The following PTPRB variants were observed in gnomAD, a reference collection of about 807,000 sequenced individuals.
The protein encoded by PTPRB is protein tyrosine phosphatase receptor type B, also known as receptor-type tyrosine-protein phosphatase beta.
Under a neutral mutation model 238.1 loss-of-function variants are expected in PTPRB, and 97 were observed. The ratio of observed to expected loss-of-function variants is 0.41; its 90% CI spans 0.35 to 0.48. The LOEUF (loss-of-function observed/expected upper bound fraction) is 0.48. PTPRB is among the 20% of genes least tolerant of loss of function. The pLI, the probability that PTPRB is intolerant of heterozygous loss-of-function variation, is 0.30. For synonymous variants in PTPRB, 970 were observed against 995.4 expected (o/e 0.97, Z 0.48); for missense variants, 2,292 against 2,681.9 (o/e 0.85, Z 3.21).
chr12:70,611,382 G>A (rs531473664), intron 3 of PTPRB, among the ~76,000 whole-genome samples: 17 of 152,280 alleles, frequency 1.1e-4, no homozygotes, highest in African/African-American at 3.1e-4. Flanking sequence ...TCTGCCTCCC[G>A]GGTTCAAGCA....
At chr12:70,633,260 G>T (rs1885533410) in intron 2 of PTPRB, among the ~76,000 whole-genome samples, 1 of 152,100 alleles carries the variant, frequency 6.6e-6, no homozygotes, top group South Asian at 2.1e-4. Flanking sequence ...TCATGATATA[G>T]GTCTACAAGT....
intron 27 of PTPRB, chr12:70,538,592 C>T (rs1874542108): frequency 2.3e-6 from 1 of 433,004 alleles, no homozygotes; most frequent in Non-Finnish European, 4.1e-6. Context: ...AATTGCTAAC[C>T]GAAGACTTTG....
chr12:70,536,145 T>C lies in PTPRB; in HGVS notation c.5961A>G (p.Arg1987=). Residue 1987 remains arginine, a synonymous_variant, in exon 29 of 34, where the codon AGA becomes AGG. Transcript: ENST00000334414. ...NASYIPGNNF[R]REYIVTQGPL... is the part of the protein sequence containing the mutation. ...GTCCCTGAGTGACAATGTATTCTCT[T>C]CTGAAGTTGTTGCCCTGCAATGAAT... The C allele has an allele frequency of 6.2e-7, 1 of 1,613,454 alleles. No homozygotes were observed. The highest frequency in any genetic ancestry group is 8.5e-7 in the Non-Finnish European group (1 of 1,179,608).
In PTPRB at chr12:70,552,758, CAG is replaced by C. The variant is rs1173307519; in HGVS notation, c.5387+17_5387+18del. On this transcript the variant is annotated intron_variant, in intron 21 of 33. Transcript: ENST00000334414. ...ATGTAGCATGTCCCTTCTAGCAAAACAGTGGTAATATATCTAACCTGTAGGCA... is the reference window on the plus strand; with the variant it reads ...ATGTAGCATGTCCCTTCTAGCAAAACTGGTAATATATCTAACCTGTAGGCA... 2 of 1,612,814 alleles carry C rather than the reference CAG, an allele frequency of 1.2e-6. No homozygotes were observed. Among genetic ancestry groups the C allele is most frequent in the Non-Finnish European group, 1.7e-6 (2 of 1,179,216 alleles).
intron 2 of PTPRB, among the ~76,000 whole-genome samples, chr12:70,626,289 A>G (rs1266835309): frequency 9.7e-6 from 1 of 103,002 alleles, no homozygotes; most frequent in African/African-American, 4.2e-5. Flanking sequence ...GATGATGTCT[A>G]TCCATCCATC....
At chr12:70,602,395 T>A (rs1282932692) in intron 4 of PTPRB, among the ~76,000 whole-genome samples, 2 of 152,200 alleles carry the variant, frequency 1.3e-5, no homozygotes, top group Non-Finnish European at 1.5e-5. Context: ...TTCAATATTA[T>A]CTAAAATGCT....
intron 4 of PTPRB, among the ~76,000 whole-genome samples, chr12:70,605,082 TA>T (rs1360906341): frequency 6.6e-6 from 1 of 152,232 alleles, no homozygotes; most frequent in Non-Finnish European, 1.5e-5. Context: ...TTAGCCATAT[TA>T]AAATAATTAA....
At chr12:70,606,783 C>A (rs974530082) in intron 4 of PTPRB, among the ~76,000 whole-genome samples, 1 of 152,090 alleles carries the variant, frequency 6.6e-6, no homozygotes, top group African/African-American at 2.4e-5. Context: ...GAACTACTGA[C>A]AAATAAATAA....
intron 31 of PTPRB, among the ~76,000 whole-genome samples, chr12:70,533,389 G>A (rs1050379977): frequency 6.6e-6 from 1 of 152,148 alleles, no homozygotes; most frequent in African/African-American, 2.4e-5. Context: ...TCTTACTGCT[G>A]CAGTTCCCTG....
chr12:70,610,066 C>T (rs549678044), intron 3 of PTPRB, among the ~76,000 whole-genome samples: 4 of 152,250 alleles, frequency 2.6e-5, no homozygotes, highest in East Asian at 3.9e-4. Context: ...CGCTGCCATT[C>T]TGACCCGCGC....
Position 70,539,616 on chromosome 12 carries a change from G to A in PTPRB, c.5778+9C>T, listed in dbSNP as rs867796985. 1 of 1,521,320 alleles carries A rather than the reference G, an allele frequency of 6.6e-7. No homozygotes were observed. Among genetic ancestry groups the A allele is most frequent in the Non-Finnish European group, 9.0e-7 (1 of 1,113,140 alleles). The allele number at this position is 1,521,320 out of a possible 1,614,324, so 94.2% of individuals were successfully genotyped here. ...GGGATGCTGAAGCTTCATTCTGCCTGAGTTGTACCTCGTATTCCTTGGATA... is the reference window on the plus strand; with the variant it reads ...GGGATGCTGAAGCTTCATTCTGCCTAAGTTGTACCTCGTATTCCTTGGATA... On this transcript the variant is annotated intron_variant, in intron 26 of 33. Coordinates refer to ENST00000334414, the MANE Select transcript of PTPRB (RefSeq NM_001109754.4).
chr12:70,622,433 C>A lies in PTPRB; in HGVS notation c.665G>T (p.Trp222Leu), dbSNP rs375396574. ...GAAGGGCTGAGTAGTCGACAAAACCCATGATGTGTCTGTAATTCCAGTCAT... is the reference window on the plus strand; with the variant it reads ...GAAGGGCTGAGTAGTCGACAAAACCAATGATGTGTCTGTAATTCCAGTCAT... ...LHMTGITDTS[W>L]VLSTTQPFSS... is the part of the protein sequence containing the mutation. The change falls in exon 3 of 34, where the codon TGG becomes TTG. Residue 222 changes from tryptophan (W) to leucine (L), a missense_variant. Physicochemically the swap from Trp to Leu is moderately conservative, Grantham distance 61. This residue lies in a region of PTPRB where 1,205 missense variants were observed against 1,287.8 expected (regional missense o/e 0.94). Transcript: ENST00000334414. 8.1e-6 allele frequency: 13 copies of A among 1,612,728 alleles called. No homozygotes were observed. The African/African-American group carries it at 1.6e-4, about 20-fold the overall frequency.
intron 22 of PTPRB, among the ~76,000 whole-genome samples, chr12:70,544,259 T>C (rs1225842600): frequency 6.6e-6 from 1 of 152,242 alleles, no homozygotes; most frequent in African/African-American, 2.4e-5. Context: ...TAGTAACTTA[T>C]ATTTTGGCCT....
chr12:70,627,154 C>T (rs1157313822), intron 2 of PTPRB, among the ~76,000 whole-genome samples: 1 of 152,152 alleles, frequency 6.6e-6, no homozygotes, highest in South Asian at 2.1e-4. Flanking sequence ...TTTTACCTAA[C>T]ACCCTATGTT....
chr12:70,530,276 A>G (rs548876775), intron 32 of PTPRB, among the ~76,000 whole-genome samples: 4 of 152,258 alleles, frequency 2.6e-5, no homozygotes, highest in African/African-American at 9.6e-5. Flanking sequence ...AAAGACATAG[A>G]TGTGATAATG....
At position 70,559,639 on chromosome 12, in the gene PTPRB, A is replaced by C. The variant is rs761833205; in HGVS notation, c.4433-15T>G. On this transcript the variant is annotated splice_polypyrimidine_tract_variant and intron_variant, in intron 17 of 33. Coordinates refer to ENST00000334414, the MANE Select transcript of PTPRB (RefSeq NM_001109754.4). ...AGGACTTGGAGCTGAATGTAGGAGAAAGTGAAAAATCACATAATCACAGCT... is the reference window on the plus strand; with the variant it reads ...AGGACTTGGAGCTGAATGTAGGAGACAGTGAAAAATCACATAATCACAGCT... 12 of 1,588,428 alleles carry C rather than the reference A, an allele frequency of 7.6e-6. No individual in the cohort carries two copies. Among genetic ancestry groups the C allele is most frequent in the East Asian group, 4.5e-5 (2 of 44,644 alleles).
intron 4 of PTPRB, among the ~76,000 whole-genome samples, chr12:70,602,390 T>A (rs552488830): frequency 2.6e-5 from 4 of 152,212 alleles, no homozygotes; most frequent in Non-Finnish European, 5.9e-5. Context: ...GCTTTTTCAA[T>A]ATTATCTAAA....
chr12:70,621,272 C>T (rs571224818), intron 3 of PTPRB, among the ~76,000 whole-genome samples: 1 of 152,254 alleles, frequency 6.6e-6, no homozygotes, highest in South Asian at 2.1e-4. Context: ...GACATGTTTC[C>T]CTTTCCCTGC....
At chr12:70,582,695 C>T (rs1439354642) in intron 9 of PTPRB, among the ~76,000 whole-genome samples, 1 of 152,008 alleles carries the variant, frequency 6.6e-6, no homozygotes. Flanking sequence ...CATTTAAAAC[C>T]TAAAACTATA....
Sources: gnomAD v4.1 joint callset for allele counts (sites outside exome capture counted in the v4.1 genomes callset) on GRCh38, gnomAD v4.1.1 for gene constraint, gnomAD v4.1.1 regional missense constraint, MANE v1.5 for transcripts, NCBI Gene and HGNC (gene_info 2026-07-23, HGNC 2026-07-21) for gene names.